Variants in GRB10 observed in about 807,000 individuals in gnomAD.
GRB10 encodes the protein growth factor receptor-bound protein 10.
Under a neutral mutation model 80.9 loss-of-function variants are expected in GRB10, and 20 were observed. The ratio of observed to expected loss-of-function variants is 0.25; its 90% CI spans 0.17 to 0.36. The LOEUF (loss-of-function observed/expected upper bound fraction) is 0.36. GRB10 is among the 10% of genes least tolerant of loss of function. The pLI is 1.00. For synonymous variants in GRB10, 291 were observed against 291.5 expected (o/e 1.00, Z 0.02); for missense variants, 548 against 747.7 (o/e 0.73, Z 3.12).
At chr7:50,698,560 G>A (rs962747667) in intron 5 of GRB10, among the ~76,000 whole-genome samples, 1 of 152,204 alleles carries the variant, frequency 6.6e-6, no homozygotes, top group Non-Finnish European at 1.5e-5. Context: ...CATGGTTCCT[G>A]TAATCTCTGT....
At chr7:50,642,988 C>A (rs544308587) in intron 7 of GRB10, among the ~76,000 whole-genome samples, 1 of 152,312 alleles carries the variant, frequency 6.6e-6, no homozygotes, top group South Asian at 2.1e-4. Flanking sequence ...AGTCTCAAAT[C>A]ATCTTCCTTC....
chr7:50,622,553 A>T (rs1238923408), intron 8 of GRB10, among the ~76,000 whole-genome samples: 1 of 151,844 alleles, frequency 6.6e-6, no homozygotes, highest in Non-Finnish European at 1.5e-5. Flanking sequence ...TCTGGCGGAA[A>T]CCCTCTTCTC....
Position 50,612,846 on chromosome 7 carries a change from G to A in GRB10, c.1096-7C>T, listed in dbSNP as rs374085668. 6 of 1,604,804 alleles carry A rather than the reference G, an allele frequency of 3.7e-6. No homozygotes were observed. The highest frequency in any genetic ancestry group is 3.3e-4 in the Middle Eastern group (2 of 6,028). ...CATTCCTGACTTTGTTTGGCTACAG[G>A]AGGTAAAAGAAAGTCCTGTTAGTGT... is the stretch of plus-strand genomic sequence containing the variant. On this transcript the variant is annotated splice_polypyrimidine_tract_variant and splice_region_variant and intron_variant, in intron 12 of 18. Coordinates refer to ENST00000401949, the MANE Select transcript of GRB10 (RefSeq NM_001350814.2).
intron 7 of GRB10, among the ~76,000 whole-genome samples, chr7:50,640,426 T>A (rs937523875): frequency 6.6e-5 from 10 of 152,142 alleles, no homozygotes; most frequent in African/African-American, 2.4e-4. Context: ...CTGTGGTACA[T>A]CTGGAGACAC....
At chr7:50,659,309 TGA>T (rs796212590) in intron 7 of GRB10, among the ~76,000 whole-genome samples, 10 of 151,838 alleles carry the variant, frequency 6.6e-5, no homozygotes, top group African/African-American at 2.2e-4. Context: ...TTCTAGAAAA[TGA>T]GAGGTAAAAA....
intron 2 of GRB10, among the ~76,000 whole-genome samples, chr7:50,762,610 C>T (rs2075882137): frequency 6.6e-6 from 1 of 152,198 alleles, no homozygotes; most frequent in South Asian, 2.1e-4. Context: ...TAGCTGGCAA[C>T]TTATGCTCAG....
chr7:50,626,570 G>A (rs1008200834), intron 8 of GRB10, among the ~76,000 whole-genome samples: 3 of 152,172 alleles, frequency 2.0e-5, no homozygotes, highest in South Asian at 2.1e-4. Flanking sequence ...AGGGAACCTC[G>A]CCATGTCTGA....
chr7:50,600,529 G>A (rs922611949), intron 17 of GRB10, among the ~76,000 whole-genome samples: 3 of 152,082 alleles, frequency 2.0e-5, no homozygotes, highest in Non-Finnish European at 4.4e-5. Flanking sequence ...ACCAACTAAG[G>A]ACAAAAGAAA....
At chr7:50,612,398 G>A (rs1050748394) in intron 13 of GRB10, among the ~76,000 whole-genome samples, 3 of 152,088 alleles carry the variant, frequency 2.0e-5, no homozygotes, top group African/African-American at 4.8e-5. Flanking sequence ...CTGGCCGGGC[G>A]TGCGACTGGC....
intron 17 of GRB10, among the ~76,000 whole-genome samples, chr7:50,599,104 A>C (rs1340299150): frequency 6.6e-6 from 1 of 152,150 alleles, no homozygotes; most frequent in Non-Finnish European, 1.5e-5. Flanking sequence ...GACAGGAAGG[A>C]AGCAGGCGGC....
chr7:50,792,609 G>C (rs1369801473), intron 1 of GRB10: 1 of 397,604 alleles, frequency 2.5e-6, no homozygotes, highest in East Asian at 3.6e-5. Context: ...TCAACTTGGT[G>C]TTAGGCCCCA....
intron 4 of GRB10, chr7:50,705,255 C>G: frequency 1.0e-6 from 1 of 985,686 alleles, no homozygotes; most frequent in East Asian, 1.1e-4. Flanking sequence ...TCACCCACAT[C>G]TACCACTTAG....
chr7:50,688,002 G>A lies in GRB10; in HGVS notation c.140-13344C>T, dbSNP rs1046314297. ...CTGGTGAAAAAGAGTGGTTCAGATTGAGAAACCGTGGAGGGGAGGGAGGAA... is the reference window on the plus strand; with the variant it reads ...CTGGTGAAAAAGAGTGGTTCAGATTAAGAAACCGTGGAGGGGAGGGAGGAA... On this transcript the variant is annotated intron_variant, in intron 5 of 18. Coordinates refer to ENST00000401949, the MANE Select transcript of GRB10 (RefSeq NM_001350814.2). Among the ~76,000 whole-genome samples the A allele has an allele frequency of 2.0e-5, 3 of 152,238 alleles. 1 individual carries two copies. Among genetic ancestry groups the A allele is most frequent in the African/African-American group, 7.2e-5 (3 of 41,466 alleles).
rs764941938 is a variant in GRB10, at chr7:50,669,731, G to A, written c.495C>T (p.Ala165=). 1.5e-5 allele frequency: 24 copies of A among 1,612,986 alleles called. No homozygotes were observed. The highest frequency in any genetic ancestry group is 1.1e-4 in the East Asian group (5 of 44,894). ...CCAGGGGCACACTCACCTGCTTTGCGGCGGCCTGGCTCGGAGGTAAAGAAC... is the reference window on the plus strand; with the variant it reads ...CCAGGGGCACACTCACCTGCTTTGCAGCGGCCTGGCTCGGAGGTAAAGAAC... ...TPGSLPPSQA[A]AKQDVKVFSE... Residue 165 remains alanine (A), a synonymous_variant, in exon 7 of 19, where the codon GCC becomes GCT. Coordinates refer to ENST00000401949, the MANE Select transcript of GRB10 (RefSeq NM_001350814.2).
chr7:50,710,170 CA>C (rs1342864928), intron 4 of GRB10, among the ~76,000 whole-genome samples: 1 of 152,122 alleles, frequency 6.6e-6, no homozygotes, highest in East Asian at 1.9e-4. Context: ...CAGGAAGTAA[CA>C]AGGGTGAATG....
intron 7 of GRB10, among the ~76,000 whole-genome samples, chr7:50,652,243 A>C (rs2058079973): frequency 6.6e-6 from 1 of 152,234 alleles, no homozygotes; most frequent in Non-Finnish European, 1.5e-5. Flanking sequence ...ATATGAGAGC[A>C]CACACTGCTA....
At chr7:50,708,510 G>A (rs1468637639) in intron 4 of GRB10, among the ~76,000 whole-genome samples, 1 of 152,146 alleles carries the variant, frequency 6.6e-6, no homozygotes. Flanking sequence ...GTGGCGCTCT[G>A]CCAGGTGCAG....
chr7:50,714,201 G>C (rs2066455488), intron 4 of GRB10, among the ~76,000 whole-genome samples: 5 of 152,172 alleles, frequency 3.3e-5, no homozygotes, highest in Admixed American at 3.3e-4. Flanking sequence ...TCAACATGTA[G>C]CAGTACCTTA....
At chr7:50,597,566 C>T (rs1269003155) in intron 17 of GRB10, among the ~76,000 whole-genome samples, 1 of 152,268 alleles carries the variant, frequency 6.6e-6, no homozygotes, top group African/African-American at 2.4e-5. Context: ...TATCTGCTGT[C>T]TCCTTCTGCA....
Sources: gnomAD v4.1 joint callset for allele counts (sites outside exome capture counted in the v4.1 genomes callset) on GRCh38, gnomAD v4.1.1 for gene constraint, MANE v1.5 for transcripts, NCBI Gene and HGNC (gene_info 2026-07-23, HGNC 2026-07-21) for gene names.